Variants in BLTP3B observed in about 807,000 individuals in gnomAD.
BLTP3B encodes the protein UHRF1 (ICBP90) binding protein 1-like.
At chr12:100,142,874 C>T in the BLTP3B span, 3 of 350,230 alleles carry the variant, frequency 8.6e-6, no homozygotes, top group South Asian at 3.2e-5. Flanking sequence ...CTAAGAGACT[C>T]GGTGGAGGGC....
chr12:100,061,881 T>C, the BLTP3B span, among the ~76,000 whole-genome samples: 3 of 152,176 alleles, frequency 2.0e-5, no homozygotes, highest in African/African-American at 7.2e-5. Context: ...ATGGGTTGAA[T>C]TGTGTCCCTC....
chr12:100,098,812 G>C, the BLTP3B span, among the ~76,000 whole-genome samples: 2 of 151,866 alleles, frequency 1.3e-5, no homozygotes, highest in Admixed American at 6.6e-5. Flanking sequence ...GGGAGGCTGA[G>C]GGACGAGAAT....
the BLTP3B span, among the ~76,000 whole-genome samples, chr12:100,065,342 A>G: frequency 0.017 from 2,573 of 152,170 alleles, 21 homozygotes; most frequent in Non-Finnish European, 0.021. Flanking sequence ...TCAGGGAACA[A>G]GGGAAGACAA....
At chr12:100,072,966 G>T in the BLTP3B span, among the ~76,000 whole-genome samples, 63 of 152,128 alleles carry the variant, frequency 4.1e-4, 2 homozygotes, top group Admixed American at 7.2e-4. Flanking sequence ...ACTTCACATG[G>T]AATTATTTTT....
chr12:100,046,555 A>T, the BLTP3B span, among the ~76,000 whole-genome samples: 1 of 146,910 alleles, frequency 6.8e-6, no homozygotes, highest in African/African-American at 2.5e-5. Flanking sequence ...TGAGGGGAAC[A>T]TCATATACCA....
chr12:100,068,073 GCAT>G, the BLTP3B span, among the ~76,000 whole-genome samples: 2 of 152,228 alleles, frequency 1.3e-5, no homozygotes, highest in South Asian at 4.1e-4. Context: ...AAAACTGGAG[GCAT>G]CATATTACCT....
chr12:100,125,640 G>A, the BLTP3B span, among the ~76,000 whole-genome samples: 1 of 152,242 alleles, frequency 6.6e-6, no homozygotes, highest in African/African-American at 2.4e-5. Flanking sequence ...AGAGTGAGGG[G>A]AGCAGGGCAG....
the BLTP3B span, chr12:100,084,416 ACACAC>A: frequency 7.5e-7 from 1 of 1,325,764 alleles, no homozygotes; most frequent in East Asian, 2.3e-5. Flanking sequence ...ACACACACAC[ACACAC>A]ACACAGAGTG....
chr12:100,124,029 C>T, the BLTP3B span, among the ~76,000 whole-genome samples: 2 of 151,648 alleles, frequency 1.3e-5, no homozygotes, highest in Non-Finnish European at 2.9e-5. Context: ...TTTGGAAGGC[C>T]GAAGACAGAA....
the BLTP3B span, among the ~76,000 whole-genome samples, chr12:100,071,302 G>A: frequency 6.6e-6 from 1 of 151,960 alleles, no homozygotes; most frequent in Non-Finnish European, 1.5e-5. Context: ...TTAGAGACCA[G>A]CCTGGCCAAC....
At chr12:100,128,537 T>C in the BLTP3B span, 424 of 1,143,262 alleles carry the variant, frequency 3.7e-4, no homozygotes, top group Non-Finnish European at 4.3e-4. Context: ...CTTGCATTTA[T>C]AGAATGAAAA....
At chr12:100,037,251 T>C in the BLTP3B span, 4 of 979,760 alleles carry the variant, frequency 4.1e-6, no homozygotes, top group African/African-American at 1.7e-5. Flanking sequence ...TTAACAAATA[T>C]GGAGAAATCA....
chr12:100,097,578 CA>C, the BLTP3B span: 1 of 1,450,308 alleles, frequency 6.9e-7, no homozygotes, highest in Non-Finnish European at 9.3e-7. Context: ...TTTTTAAAAA[CA>C]AAGCAAATGT....
the BLTP3B span, among the ~76,000 whole-genome samples, chr12:100,115,876 A>C: frequency 6.6e-6 from 1 of 152,094 alleles, no homozygotes; most frequent in Admixed American, 6.5e-5. Context: ...GCAATTCACC[A>C]CATTAAAAGT....
At chr12:100,130,986 A>AGG in the BLTP3B span, among the ~76,000 whole-genome samples, 1 of 47,526 alleles carries the variant, frequency 2.1e-5, no homozygotes, top group Admixed American at 2.2e-4. Flanking sequence ...AGGGAGGGAG[A>AGG]GAGAGAGAGA....
the BLTP3B span, among the ~76,000 whole-genome samples, chr12:100,131,741 G>A: frequency 4.6e-5 from 7 of 152,036 alleles, no homozygotes; most frequent in African/African-American, 1.7e-4. Context: ...ATAACCAAAA[G>A]TCTTTTACTT....
At chr12:100,139,456 C>T in the BLTP3B span, among the ~76,000 whole-genome samples, 5 of 152,150 alleles carry the variant, frequency 3.3e-5, no homozygotes, top group African/African-American at 1.2e-4. Flanking sequence ...CTCCTCCCCC[C>T]ATACAATAAC....
At chr12:100,047,408 G>GA in the BLTP3B span, 19 of 646,470 alleles carry the variant, frequency 2.9e-5, no homozygotes, top group Non-Finnish European at 4.8e-5. Context: ...TTAGGTAGGA[G>GA]AATCACTCGA....
chr12:100,066,196 A>C, the BLTP3B span, among the ~76,000 whole-genome samples: 1 of 152,178 alleles, frequency 6.6e-6, no homozygotes, highest in South Asian at 2.1e-4. Context: ...CATTTCATGC[A>C]AATGGACATT....
Sources: gnomAD v4.1 joint callset for allele counts (sites outside exome capture counted in the v4.1 genomes callset) on GRCh38, gnomAD v4.1.1 for gene constraint, MANE v1.5 for transcripts, NCBI Gene and HGNC (gene_info 2026-07-23, HGNC 2026-07-21) for gene names.